The following CNOT4 variants were observed in gnomAD, a reference collection of about 807,000 sequenced individuals.
The protein encoded by CNOT4 is CCR4-associated factor 4.
Under a neutral mutation model 73.8 loss-of-function variants are expected in CNOT4, and 8 were observed. That is an observed-to-expected ratio of 0.11 (90% confidence interval 0.06 to 0.20). CNOT4 has a LOEUF of 0.20. Ranked by LOEUF, CNOT4 falls within the 10% of genes least tolerant of loss-of-function variation. The pLI, the probability that CNOT4 is intolerant of heterozygous loss-of-function variation, is 1.00. For missense variants in CNOT4, 564 were observed against 883.4 expected (o/e 0.64, Z 4.58); for synonymous variants, 293 against 321.1 (o/e 0.91, Z 0.94).
At chr7:135,456,786 T>C (rs543484484) in intron 1 of CNOT4, among the ~76,000 whole-genome samples, 16 of 152,158 alleles carry the variant, frequency 1.1e-4, no homozygotes, top group African/African-American at 3.9e-4. Context: ...CCATGGGTAG[T>C]TGAATCCACA....
At position 135,410,653 on chromosome 7, in the gene CNOT4, C is replaced by T. The variant is rs145644784; in HGVS notation, c.688-5G>A. On this transcript the variant is annotated splice_polypyrimidine_tract_variant and splice_region_variant and intron_variant, in intron 6 of 11. Coordinates refer to ENST00000541284, the MANE Select transcript of CNOT4 (RefSeq NM_001190850.2). Reference sequence around the variant, plus strand: ...ATATTCTTGGTGTTTACCCGCCTAACGAAAGAAGAAATTAAAACTGCAGTG... The same window carrying T: ...ATATTCTTGGTGTTTACCCGCCTAATGAAAGAAGAAATTAAAACTGCAGTG... 13,419 of 1,566,162 alleles carry T rather than the reference C, an allele frequency of 8.6e-3. 79 individuals carry two copies. The highest frequency in any genetic ancestry group is 0.011 in the Non-Finnish European group (12,419 of 1,159,900).
At chr7:135,462,215 C>A (rs1471937192) in intron 1 of CNOT4, among the ~76,000 whole-genome samples, 1 of 151,884 alleles carries the variant, frequency 6.6e-6, no homozygotes, top group Non-Finnish European at 1.5e-5. Context: ...TATAATATTA[C>A]CAACTTCAGC....
chr7:135,398,931 C>T (rs1285597310), intron 7 of CNOT4, among the ~76,000 whole-genome samples: 3 of 151,922 alleles, frequency 2.0e-5, no homozygotes, highest in Non-Finnish European at 4.4e-5. Context: ...AATCATAACC[C>T]TAGAGAAGGC....
intron 1 of CNOT4, among the ~76,000 whole-genome samples, chr7:135,469,750 T>A (rs1235026917): frequency 2.0e-5 from 3 of 152,122 alleles, no homozygotes; most frequent in Non-Finnish European, 4.4e-5. Context: ...AAAACATACA[T>A]CCACAAAAGG....
chr7:135,486,377 ATGACT>A (rs1802721066), intron 1 of CNOT4, among the ~76,000 whole-genome samples: 1 of 152,204 alleles, frequency 6.6e-6, no homozygotes, highest in South Asian at 2.1e-4. Context: ...ATCTCTTGGA[ATGACT>A]ACAATGAAAA....
At chr7:135,407,656 G>A (rs1418318137) in intron 7 of CNOT4, among the ~76,000 whole-genome samples, 1 of 150,956 alleles carries the variant, frequency 6.6e-6, no homozygotes, top group Non-Finnish European at 1.5e-5. Context: ...GCACAAGAGA[G>A]ATATGCTATG....
chr7:135,488,448 A>G (rs2129487568), intron 1 of CNOT4, among the ~76,000 whole-genome samples: 1 of 152,228 alleles, frequency 6.6e-6, no homozygotes, highest in South Asian at 2.1e-4. Flanking sequence ...CCTGACCTCA[A>G]GTGATCCGCC....
At chr7:135,455,800 G>T (rs531732228) in intron 1 of CNOT4, among the ~76,000 whole-genome samples, 1 of 152,062 alleles carries the variant, frequency 6.6e-6, no homozygotes, top group African/African-American at 2.4e-5. Context: ...CCTGTGAGGT[G>T]GAAGTTGCAG....
intron 1 of CNOT4, among the ~76,000 whole-genome samples, chr7:135,504,230 T>G (rs1232968193): frequency 6.6e-6 from 1 of 152,108 alleles, no homozygotes; most frequent in Admixed American, 6.5e-5. Flanking sequence ...TTTTCAAAAT[T>G]CAATCACTAT....
intron 7 of CNOT4, among the ~76,000 whole-genome samples, chr7:135,406,435 G>A (rs1025350675): frequency 2.0e-5 from 3 of 151,684 alleles, no homozygotes; most frequent in Admixed American, 1.3e-4. Flanking sequence ...CAAGGCAGGC[G>A]AATCGCTTGA....
At chr7:135,408,174 C>T (rs1797400195) in intron 7 of CNOT4, among the ~76,000 whole-genome samples, 1 of 152,104 alleles carries the variant, frequency 6.6e-6, no homozygotes, top group Non-Finnish European at 1.5e-5. Context: ...ATGTTACAAC[C>T]ATATAACATT....
chr7:135,367,289 C>T (rs960332845), intron 10 of CNOT4, among the ~76,000 whole-genome samples: 2 of 152,128 alleles, frequency 1.3e-5, no homozygotes, highest in African/African-American at 4.8e-5. Flanking sequence ...CAGGACTTTG[C>T]CCACTGACTC....
chr7:135,457,980 T>C (rs144888237), intron 1 of CNOT4, among the ~76,000 whole-genome samples: 2,262 of 152,200 alleles, frequency 0.015, 50 homozygotes, highest in Middle Eastern at 0.079. Context: ...ACTACACAGA[T>C]GTCCTATAAT....
chr7:135,456,294 G>A (rs1306842574), intron 1 of CNOT4, among the ~76,000 whole-genome samples: 2 of 152,078 alleles, frequency 1.3e-5, no homozygotes, highest in Non-Finnish European at 2.9e-5. Context: ...ACAAAAACAA[G>A]CAGCAGGAAG....
chr7:135,509,787 G>A, intron 1 of CNOT4, 102 bp downstream of exon 1: 1 of 362,220 alleles, frequency 2.8e-6, no homozygotes, highest in Non-Finnish European at 4.9e-6. Flanking sequence ...CGGGGGGTGG[G>A]GAGAAAGGGG....
chr7:135,483,337 C>CAA (rs113026088), intron 1 of CNOT4, among the ~76,000 whole-genome samples: 7,432 of 139,884 alleles, frequency 0.053, 634 homozygotes, highest in African/African-American at 0.18. Context: ...GACTTTGTCT[C>CAA]AAAAAAAAAA....
chr7:135,488,824 A>G (rs1191541108), intron 1 of CNOT4, among the ~76,000 whole-genome samples: 2 of 152,188 alleles, frequency 1.3e-5, no homozygotes, highest in Non-Finnish European at 2.9e-5. Context: ...TGATACTCAT[A>G]ATTTCAAATT....
At chr7:135,426,413 T>C (rs1288156451) in intron 2 of CNOT4, among the ~76,000 whole-genome samples, 2 of 151,530 alleles carry the variant, frequency 1.3e-5, no homozygotes, top group East Asian at 3.9e-4. Context: ...CCATCCTGGC[T>C]AACACGGTGA....
At chr7:135,405,274 T>G (rs1797216811) in intron 7 of CNOT4, among the ~76,000 whole-genome samples, 1 of 152,192 alleles carries the variant, frequency 6.6e-6, no homozygotes, top group South Asian at 2.1e-4. Context: ...TCGCTCCACC[T>G]AAATCTAAAG....
Sources: allele counts gnomAD v4.1 joint callset (sites outside exome capture counted in the v4.1 genomes callset), GRCh38; gene constraint gnomAD v4.1.1; transcripts MANE v1.5; gene names NCBI Gene and HGNC (gene_info 2026-07-23, HGNC 2026-07-21).